The following MPP7 variants were observed in gnomAD, a reference collection of about 807,000 sequenced individuals.
MPP7 encodes the protein MAGUK p55 scaffold protein 7.
MPP7 carries 60 observed loss-of-function variants against 76.5 expected under a neutral mutation model. That is an observed-to-expected ratio of 0.78 (90% confidence interval 0.64 to 0.97). MPP7 has a LOEUF of 0.97. Among genes scored for constraint, MPP7 ranks in the 50% least tolerant of loss-of-function variants. MPP7 has a pLI of 0.00. For missense variants in MPP7, 641 were observed against 694.0 expected, an observed-to-expected ratio of 0.92 and a Z score of 0.86; for synonymous variants, 237 against 244.5, an observed-to-expected ratio of 0.97 and a Z score of 0.29.
chr10:28,149,237 C>T (rs547391477), intron 4 of MPP7, among the ~76,000 whole-genome samples: 1 of 152,184 alleles, frequency 6.6e-6, no homozygotes, highest in South Asian at 2.1e-4. Flanking sequence ...ATATTAAAAG[C>T]AACAAATAAG....
intron 3 of MPP7, among the ~76,000 whole-genome samples, chr10:28,178,774 G>A (rs1360815857): frequency 1.2e-4 from 19 of 152,060 alleles, no homozygotes. Context: ...GGGGGCTTTT[G>A]TTTTGTTTAA....
At chr10:28,111,706 C>T (rs2051233584) in intron 11 of MPP7, among the ~76,000 whole-genome samples, 1 of 152,068 alleles carries the variant, frequency 6.6e-6, no homozygotes, top group South Asian at 2.1e-4. Flanking sequence ...TATTTTTATT[C>T]TGTCTATATT....
At chr10:28,232,307 C>CT (rs1838911455) in intron 2 of MPP7, among the ~76,000 whole-genome samples, 1 of 151,952 alleles carries the variant, frequency 6.6e-6, no homozygotes, top group Admixed American at 6.6e-5. Context: ...TGAGCTACAA[C>CT]TGCACCACTG....
chr10:28,291,186 A>T (rs1261321037), intron 1 of MPP7, among the ~76,000 whole-genome samples: 2 of 152,240 alleles, frequency 1.3e-5, no homozygotes, highest in African/African-American at 4.8e-5. Flanking sequence ...ACATGCAATA[A>T]TGTAAAGAAA....
rs572947204 is a variant in MPP7 at position 28,103,329 on chromosome 10, G to C, written c.953-13488C>G. Reference sequence around the variant, plus strand: ...CTGTCTCGGGGCCTTTGTACACGCTGTTGGGGGCCTGTGCACATGGATCCT... The same window carrying C: ...CTGTCTCGGGGCCTTTGTACACGCTCTTGGGGGCCTGTGCACATGGATCCT... On this transcript the variant is annotated intron_variant, in intron 11 of 16. Transcript: ENST00000683449. Among the ~76,000 whole-genome samples, 62 of 149,982 alleles carry C rather than the reference G, an allele frequency of 4.1e-4. 1 individual carries two copies. The highest frequency in any genetic ancestry group is 1.4e-3 in the African/African-American group (56 of 40,632).
rs11330044 is a variant in MPP7 at position 28,197,181 on chromosome 10, CTT to C, written c.156+4970_156+4971del. Among the ~76,000 whole-genome samples, 446 of 115,182 alleles carry C rather than the reference CTT, an allele frequency of 3.9e-3. 3 individuals are homozygous for C. Among genetic ancestry groups the C allele is most frequent in the African/African-American group, 0.012 (336 of 27,890 alleles). 75.6% of individuals were successfully genotyped at this position (115,182 alleles called of 152,430 possible). A position where few individuals can be genotyped will look rare whatever the true frequency, so the allele number is the denominator to read the frequency against. Reference sequence around the variant, plus strand: ...CATAAACTCTAACCTGAGCAACTTCCTTTTTTTTTTTTTTTTTTTGAGATGGA... The same window carrying C: ...CATAAACTCTAACCTGAGCAACTTCCTTTTTTTTTTTTTTTTTGAGATGGA... On this transcript the variant is annotated intron_variant, in intron 3 of 16. Transcript: ENST00000683449.
At chr10:28,262,208 C>CATAT (rs56940942) in intron 1 of MPP7, among the ~76,000 whole-genome samples, 1 of 60,110 alleles carries the variant, frequency 1.7e-5, no homozygotes, top group Non-Finnish European at 2.6e-5. Flanking sequence ...TATATATATA[C>CATAT]ATATATATAT....
chr10:28,162,013 T>C (rs1226014762), intron 3 of MPP7, among the ~76,000 whole-genome samples: 1 of 152,186 alleles, frequency 6.6e-6, no homozygotes, highest in African/African-American at 2.4e-5. Context: ...CAGAAAGCAA[T>C]TGAATTCAAA....
chr10:28,155,725 C>T (rs538839861), intron 3 of MPP7, among the ~76,000 whole-genome samples: 1 of 151,878 alleles, frequency 6.6e-6, no homozygotes, highest in African/African-American at 2.4e-5. Context: ...AGACGAGGAA[C>T]AGAAAACCTG....
Position 28,189,594 on chromosome 10 carries a change from A to AC in MPP7, c.156+12558_156+12559insG, listed in dbSNP as rs1279850476. On this transcript the variant is annotated intron_variant, in intron 3 of 16. Coordinates refer to ENST00000683449, the MANE Select transcript of MPP7 (RefSeq NM_001318170.2). The stretch of plus-strand genomic sequence containing the variant: ...TCAAAAAAAAAAAAAAAAAAAAAAA[A>AC]AAAAACCTGTATTTGTTGTAAATGT... Among the ~76,000 whole-genome samples the AC allele has an allele frequency of 4.7e-5, 7 of 150,344 alleles. No individual in the cohort carries two copies. In the East Asian group the frequency reaches 7.8e-4, roughly 17 times the overall value.
intron 3 of MPP7, among the ~76,000 whole-genome samples, chr10:28,193,362 G>A (rs961827237): frequency 6.6e-5 from 10 of 151,998 alleles, no homozygotes; most frequent in Middle Eastern, 3.2e-3. Context: ...ACAGGCGCCC[G>A]TCACCACTGC....
At chr10:28,143,855 CTG>C (rs60960005) in intron 5 of MPP7, among the ~76,000 whole-genome samples, 8,090 of 134,418 alleles carry the variant, frequency 0.06, 358 homozygotes, top group Non-Finnish European at 0.069. Context: ...CAATCGTGTG[CTG>C]TGTGTGTGTG....
At chr10:28,166,648 C>G (rs1440774461) in intron 3 of MPP7, among the ~76,000 whole-genome samples, 2 of 152,034 alleles carry the variant, frequency 1.3e-5, no homozygotes, top group Non-Finnish European at 2.9e-5. Flanking sequence ...CTCAGGTGAT[C>G]CGCCCATCTC....
At chr10:28,244,396 C>T (rs1032188693) in intron 1 of MPP7, among the ~76,000 whole-genome samples, 1 of 151,980 alleles carries the variant, frequency 6.6e-6, no homozygotes, top group Non-Finnish European at 1.5e-5. Flanking sequence ...ATCTCAGACT[C>T]GTCACTATAC....
chr10:28,194,986 T>C (rs1837534472), intron 3 of MPP7, among the ~76,000 whole-genome samples: 1 of 152,218 alleles, frequency 6.6e-6, no homozygotes, highest in Non-Finnish European at 1.5e-5. Context: ...GAGCTATCTG[T>C]ACCATCTGCT....
intron 2 of MPP7, among the ~76,000 whole-genome samples, chr10:28,308,262 G>C (rs1406502955): frequency 1.3e-5 from 2 of 152,128 alleles, no homozygotes; most frequent in Admixed American, 1.3e-4. Flanking sequence ...TGTGCAGACT[G>C]GTCTTCAGTG....
chr10:28,289,964 A>T (rs1840875441), intron 1 of MPP7, among the ~76,000 whole-genome samples: 4 of 152,150 alleles, frequency 2.6e-5, no homozygotes, highest in Admixed American at 1.3e-4. Context: ...GACCATAGGC[A>T]TGTGCCACCA....
chr10:28,260,277 C>A (rs192875843), intron 1 of MPP7, among the ~76,000 whole-genome samples: 1 of 152,222 alleles, frequency 6.6e-6, no homozygotes, highest in African/African-American at 2.4e-5. Context: ...ATTCCAGTCT[C>A]CCTGGCTCTC....
At chr10:28,129,583 G>A (rs370584162) in intron 6 of MPP7, among the ~76,000 whole-genome samples, 2 of 144,552 alleles carry the variant, frequency 1.4e-5, no homozygotes, top group Admixed American at 6.9e-5. Flanking sequence ...GTGAGACTCC[G>A]TCTCAAAAAA....
Sources: gnomAD v4.1 joint callset for allele counts (sites outside exome capture counted in the v4.1 genomes callset) on GRCh38, gnomAD v4.1.1 for gene constraint, MANE v1.5 for transcripts, NCBI Gene and HGNC (gene_info 2026-07-23, HGNC 2026-07-21) for gene names.